SLX4IP: variants seen among roughly 807,000 people sequenced by gnomAD.
SLX4IP encodes the protein protein SLX4IP.
Under a neutral mutation model 32.9 loss-of-function variants are expected in SLX4IP, and 34 were observed. That is an observed-to-expected ratio of 1.03 (90% CI 0.79 to 1.38). The LOEUF (loss-of-function observed/expected upper bound fraction) is 1.38, where lower values mean the gene tolerates loss of function less well. SLX4IP is among the 40% of genes most tolerant of loss of function. The pLI is 0.00. For missense variants in SLX4IP, 444 were observed against 479.0 expected, an observed-to-expected ratio of 0.93 and a Z score of 0.68; for synonymous variants, 172 against 171.7, an observed-to-expected ratio of 1.00 and a Z score of -0.01.
chr20:10,494,350 A>G (rs1241047832), intron 2 of SLX4IP, among the ~76,000 whole-genome samples: 1 of 150,142 alleles, frequency 6.7e-6, no homozygotes, highest in East Asian at 1.9e-4. Context: ...TAAGATTATT[A>G]TTATTTATAT....
At chr20:10,599,805 T>C (rs1307739743) in intron 5 of SLX4IP, among the ~76,000 whole-genome samples, 1 of 152,196 alleles carries the variant, frequency 6.6e-6, no homozygotes, top group African/African-American at 2.4e-5. Flanking sequence ...TATCATTGCC[T>C]AAATATTTAA....
Position 10,543,663 on chromosome 20 carries a change from G to T in SLX4IP, c.28-12568G>T, listed in dbSNP as rs546770680. ...TGTCCCAAGAAATCAAGGAAAGCAG[G>T]AAGTGAAAGAACCACTTTGTTAGAT... On this transcript the variant is annotated intron_variant, in intron 2 of 7. Transcript: ENST00000334534. 1.5e-4 allele frequency among the ~76,000 whole-genome samples: 23 copies of T among 152,302 alleles called. 1 individual carries two copies. The South Asian group carries it at 4.6e-3, about 30-fold the overall frequency.
At chr20:10,448,294 A>T (rs1382219350) in intron 1 of SLX4IP, among the ~76,000 whole-genome samples, 1 of 152,092 alleles carries the variant, frequency 6.6e-6, no homozygotes, top group Non-Finnish European at 1.5e-5. Flanking sequence ...TGAACCCTGA[A>T]CTACTGTTGA....
chr20:10,550,024 ACT>A, intron 2 of SLX4IP, among the ~76,000 whole-genome samples: 1 of 152,194 alleles, frequency 6.6e-6, no homozygotes, highest in East Asian at 1.9e-4. Context: ...TTTAGGAGAA[ACT>A]CTTTCTAGCT....
intron 2 of SLX4IP, among the ~76,000 whole-genome samples, chr20:10,475,506 G>A (rs1457994362): frequency 6.6e-6 from 1 of 152,194 alleles, no homozygotes; most frequent in Non-Finnish European, 1.5e-5. Context: ...GTGAGGGCCT[G>A]GAGGTAGCTT....
Position 10,501,125 on chromosome 20 carries a change from C to G in SLX4IP, c.27+42894C>G, listed in dbSNP as rs1198019520. On this transcript the variant is annotated intron_variant, in intron 2 of 7. Transcript: ENST00000334534. ...ATCGCGAAAGTTCCCATATGAAGCA[C>G]AAGTTTAGCCATATGTACTTACAAT... Among the ~76,000 whole-genome samples the G allele has an allele frequency of 7.2e-5, 11 of 152,150 alleles. No homozygotes were observed. In the South Asian group the frequency reaches 2.3e-3, roughly 32 times the overall value.
intron 2 of SLX4IP, among the ~76,000 whole-genome samples, chr20:10,555,605 G>T (rs1336809566): frequency 6.6e-6 from 1 of 152,118 alleles, no homozygotes; most frequent in African/African-American, 2.4e-5. Flanking sequence ...TTTCTAAAGT[G>T]CTGGACAGCG....
At chr20:10,493,558 T>TC (rs2065643548) in intron 2 of SLX4IP, among the ~76,000 whole-genome samples, 1 of 150,308 alleles carries the variant, frequency 6.7e-6, no homozygotes, top group Non-Finnish European at 1.5e-5. Flanking sequence ...ATTAAGTTCT[T>TC]TTTTTTCAGC....
chr20:10,555,747 G>A (rs1483411877), intron 2 of SLX4IP, among the ~76,000 whole-genome samples: 2 of 152,210 alleles, frequency 1.3e-5, no homozygotes, highest in East Asian at 1.9e-4. Flanking sequence ...ATTCTTCCAT[G>A]TTCCTATTTC....
At chr20:10,571,171 T>G (rs1390905811) in intron 4 of SLX4IP, among the ~76,000 whole-genome samples, 2 of 152,096 alleles carry the variant, frequency 1.3e-5, no homozygotes, top group Non-Finnish European at 2.9e-5. Flanking sequence ...AAAAGTGACC[T>G]TGTGGAGTTG....
chr20:10,497,838 T>A (rs562249509), intron 2 of SLX4IP, among the ~76,000 whole-genome samples: 5 of 151,944 alleles, frequency 3.3e-5, no homozygotes, highest in South Asian at 4.2e-4. Context: ...TTTAAAAAAA[T>A]TTTTTTTGGT....
chr20:10,445,686 G>T (rs1029057916), intron 1 of SLX4IP, among the ~76,000 whole-genome samples: 2 of 150,088 alleles, frequency 1.3e-5, no homozygotes, highest in African/African-American at 4.9e-5. Context: ...GTGCAGTGGC[G>T]TGATCTCGGC....
intron 4 of SLX4IP, among the ~76,000 whole-genome samples, chr20:10,561,153 C>T (rs756648931): frequency 1.3e-5 from 2 of 151,944 alleles, no homozygotes; most frequent in Non-Finnish European, 2.9e-5. Context: ...TATTTTGATA[C>T]GTGTATACAA....
In SLX4IP at chr20:10,508,033, T is replaced by G. The variant is rs907015432; in HGVS notation, c.28-48198T>G. On this transcript the variant is annotated intron_variant, in intron 2 of 7. Transcript: ENST00000334534. ...CTTCTAATTACCATTCTTAGTTGCT[T>G]TCCCCATGCTAGAGGCGATCATGCC... Among the ~76,000 whole-genome samples, 3 of 152,270 alleles carry G rather than the reference T, an allele frequency of 2.0e-5. No homozygotes were observed. The South Asian group carries it at 6.2e-4, about 32-fold the overall frequency.
At chr20:10,553,448 A>G (rs969585216) in intron 2 of SLX4IP, among the ~76,000 whole-genome samples, 1 of 152,184 alleles carries the variant, frequency 6.6e-6, no homozygotes, top group Non-Finnish European at 1.5e-5. Flanking sequence ...TATTATTCTG[A>G]GCAACTTTCA....
Position 10,575,582 on chromosome 20 carries a change from A to C in SLX4IP, c.238+14762A>C, listed in dbSNP as rs567313273. Among the ~76,000 whole-genome samples the C allele has an allele frequency of 2.7e-5, 4 of 149,576 alleles. No homozygotes were observed. The East Asian group carries it at 8.0e-4, about 30-fold the overall frequency. ...TATAACAGTGGCTGCTTCTCATAGG[A>C]GTAACATACATATTTTTAATATGTA... On this transcript the variant is annotated intron_variant, in intron 4 of 7. Transcript: ENST00000334534.
intron 4 of SLX4IP, among the ~76,000 whole-genome samples, chr20:10,590,183 C>G (rs1436738276): frequency 2.6e-5 from 4 of 151,944 alleles, no homozygotes; most frequent in Non-Finnish European, 4.4e-5. Context: ...GTATATTAAT[C>G]TTTTTAAGAC....
At chr20:10,587,542 T>C (rs1471593097) in intron 4 of SLX4IP, among the ~76,000 whole-genome samples, 2 of 152,126 alleles carry the variant, frequency 1.3e-5, no homozygotes, top group Non-Finnish European at 2.9e-5. Context: ...TTTTGGTACA[T>C]GGTATGATTG....
At chr20:10,487,643 G>C (rs2065586361) in intron 2 of SLX4IP, among the ~76,000 whole-genome samples, 1 of 152,140 alleles carries the variant, frequency 6.6e-6, no homozygotes, top group Non-Finnish European at 1.5e-5. Flanking sequence ...AGGAGACTGA[G>C]ACCTGTTGGG....
Sources: allele counts gnomAD v4.1 joint callset (sites outside exome capture counted in the v4.1 genomes callset), GRCh38; gene constraint gnomAD v4.1.1; transcripts MANE v1.5; gene names NCBI Gene and HGNC (gene_info 2026-07-23, HGNC 2026-07-21).